The following BANK1 variants were observed in gnomAD, a reference collection of about 807,000 sequenced individuals.
BANK1 encodes B cell scaffold protein with ankyrin repeats 1.
In BANK1, 95 loss-of-function variants were observed where a neutral mutation model predicts 94.5. That is an observed-to-expected ratio of 1.00 (90% CI 0.85 to 1.19). The LOEUF (loss-of-function observed/expected upper bound fraction) is 1.19, where lower values mean the gene tolerates loss of function less well. Ranked by LOEUF, BANK1 falls within the 50% of genes most tolerant of loss-of-function variation. The pLI is 0.00. For missense variants in BANK1, 987 were observed against 932.2 expected, an observed-to-expected ratio of 1.06 and a Z score of -0.77; for synonymous variants, 334 against 308.4, an observed-to-expected ratio of 1.08 and a Z score of -0.87.
intron 7 of BANK1, among the ~76,000 whole-genome samples, chr4:101,957,844 C>CTTTTT (rs776142689): frequency 3.4e-5 from 3 of 87,626 alleles, no homozygotes; most frequent in African/African-American, 3.5e-5. Context: ...TTGTTTTTTG[C>CTTTTT]TTTTTTTTTT....
At chr4:101,921,755 T>A (rs1723005202) in intron 7 of BANK1, among the ~76,000 whole-genome samples, 1 of 151,894 alleles carries the variant, frequency 6.6e-6, no homozygotes, top group Non-Finnish European at 1.5e-5. Flanking sequence ...CTGTGTTCAC[T>A]TGTAGTTTGG....
chr4:102,013,326 AC>A (rs1726572463), intron 7 of BANK1, among the ~76,000 whole-genome samples: 1 of 152,064 alleles, frequency 6.6e-6, no homozygotes, highest in South Asian at 2.1e-4. Context: ...CTGAGTCAGC[AC>A]TGGTCCTCTC....
At chr4:102,027,148 ATTTT>A (rs574674031) in intron 9 of BANK1, among the ~76,000 whole-genome samples, 2 of 152,168 alleles carry the variant, frequency 1.3e-5, no homozygotes, top group African/African-American at 4.8e-5. Flanking sequence ...TATTTTTCTC[ATTTT>A]TTCAGATCTG....
intron 2 of BANK1, among the ~76,000 whole-genome samples, chr4:101,845,299 T>C (rs948284702): frequency 6.6e-6 from 1 of 152,176 alleles, no homozygotes; most frequent in Non-Finnish European, 1.5e-5. Flanking sequence ...TATGTACATA[T>C]AGCAGTCAGA....
intron 11 of BANK1, among the ~76,000 whole-genome samples, chr4:102,057,154 T>C (rs1728252445): frequency 6.6e-6 from 1 of 152,156 alleles, no homozygotes; most frequent in African/African-American, 2.4e-5. Context: ...TGAGCTTATA[T>C]ACCTACCAAG....
intron 9 of BANK1, among the ~76,000 whole-genome samples, chr4:102,028,737 T>C (rs1041249917): frequency 6.6e-6 from 1 of 152,168 alleles, no homozygotes; most frequent in Non-Finnish European, 1.5e-5. Context: ...TATTTTAACA[T>C]ATTCTTATAA....
At chr4:102,049,571 C>T (rs955779229) in intron 11 of BANK1, among the ~76,000 whole-genome samples, 5 of 152,162 alleles carry the variant, frequency 3.3e-5, no homozygotes, top group African/African-American at 1.2e-4. Context: ...TGCTCTCACT[C>T]TTAGAGGGCA....
At position 102,025,481 on chromosome 4, in the gene BANK1, A is replaced by G. The variant is rs1414767011; in HGVS notation, c.1566A>G (p.Gln522=). Residue 522 remains glutamine (Q), a synonymous_variant, in exon 9 of 17, where the codon CAA becomes CAG. Coordinates refer to ENST00000322953, the MANE Select transcript of BANK1 (RefSeq NM_017935.5). ...CGCGACCTGTAGCTAATGCCTTCCA[A>G]CTGGAAAGACCTCACTTCACCTTAC... ...PPPRPVANAF[Q]LERPHFTLPG... 1 of 1,613,778 alleles carries G rather than the reference A, an allele frequency of 6.2e-7. No homozygotes were observed. Among genetic ancestry groups the G allele is most frequent in the African/African-American group, 1.3e-5 (1 of 74,774 alleles).
intron 7 of BANK1, among the ~76,000 whole-genome samples, chr4:102,015,611 G>C (rs1314979669): frequency 1.3e-5 from 2 of 152,140 alleles, no homozygotes; most frequent in Admixed American, 6.5e-5. Flanking sequence ...TTGGAGGAGT[G>C]TCCTGGAAAA....
At chr4:101,815,085 GA>G (rs1253176971) in intron 1 of BANK1, among the ~76,000 whole-genome samples, 4 of 152,142 alleles carry the variant, frequency 2.6e-5, no homozygotes, top group Non-Finnish European at 5.9e-5. Flanking sequence ...TGTTACTGAT[GA>G]AGTTGATAAT....
intron 7 of BANK1, among the ~76,000 whole-genome samples, chr4:101,983,728 G>A (rs1725394312): frequency 6.6e-6 from 1 of 152,036 alleles, no homozygotes; most frequent in Non-Finnish European, 1.5e-5. Flanking sequence ...GAGAAAAGAT[G>A]TTCCAGATAT....
At chr4:102,052,113 C>CTTTT (rs199811166) in intron 11 of BANK1, among the ~76,000 whole-genome samples, 8 of 103,984 alleles carry the variant, frequency 7.7e-5, no homozygotes, top group African/African-American at 1.2e-4. Flanking sequence ...TTCTTTTTTT[C>CTTTT]TTTTTTTTTT....
chr4:101,825,500 C>T (rs973957632), intron 1 of BANK1, among the ~76,000 whole-genome samples: 1 of 152,016 alleles, frequency 6.6e-6, no homozygotes, highest in African/African-American at 2.4e-5. Flanking sequence ...AACTTAGCTT[C>T]ATATGAAAAG....
intron 13 of BANK1, among the ~76,000 whole-genome samples, chr4:102,070,557 A>G (rs1160059371): frequency 6.6e-6 from 1 of 152,170 alleles, no homozygotes; most frequent in African/African-American, 2.4e-5. Context: ...GGCACCTGTG[A>G]TCAATTATCA....
rs188798157 is a variant in BANK1, at chr4:101,924,545, G to A, written c.1206+6356G>A. 1.6e-4 allele frequency among the ~76,000 whole-genome samples: 24 copies of A among 151,878 alleles called. 1 individual carries two copies. Among genetic ancestry groups the A allele is most frequent in the Admixed American group, 1.6e-3 (24 of 15,222 alleles). ...AGGAAACAGAAGCAGAAAGGGTCAG[G>A]ATGATGTACAGCTAGCCTCCACAGC... On this transcript the variant is annotated intron_variant, in intron 7 of 16. Coordinates refer to ENST00000322953, the MANE Select transcript of BANK1 (RefSeq NM_017935.5).
At chr4:101,831,978 T>C (rs114036914) in intron 2 of BANK1, among the ~76,000 whole-genome samples, 1 of 152,242 alleles carries the variant, frequency 6.6e-6, no homozygotes, top group African/African-American at 2.4e-5. Flanking sequence ...AGGGCTTACA[T>C]TGTTGACAGT....
At position 101,806,192 on chromosome 4, in the gene BANK1, A is replaced by T. The variant is rs1725547289; in HGVS notation, c.70+15242A>T. Among the ~76,000 whole-genome samples, 2 of 152,030 alleles carry T rather than the reference A, an allele frequency of 1.3e-5. 1 individual carries two copies. The highest frequency in any genetic ancestry group is 4.1e-4 in the South Asian group (2 of 4,828). ...TGTACTTCTAGGTTTTTTATACATTACTTTTATTAGTTTTACTTGTTCAGT... is the reference window on the plus strand; with the variant it reads ...TGTACTTCTAGGTTTTTTATACATTTCTTTTATTAGTTTTACTTGTTCAGT... On this transcript the variant is annotated intron_variant, in intron 1 of 16. Coordinates refer to ENST00000322953, the MANE Select transcript of BANK1 (RefSeq NM_017935.5).
At chr4:102,069,953 A>C (rs1728707470) in intron 13 of BANK1, among the ~76,000 whole-genome samples, 1 of 152,032 alleles carries the variant, frequency 6.6e-6, no homozygotes, top group South Asian at 2.1e-4. Flanking sequence ...GATAAAACTA[A>C]TCTAGACAAA....
intron 1 of BANK1, among the ~76,000 whole-genome samples, chr4:101,798,841 T>A (rs1429903248): frequency 3.9e-5 from 6 of 152,192 alleles, no homozygotes; most frequent in Admixed American, 2.0e-4. Flanking sequence ...GTGTAAGTTC[T>A]TTGTAGATTC....
Sources: allele counts gnomAD v4.1 joint callset (sites outside exome capture counted in the v4.1 genomes callset), GRCh38; gene constraint gnomAD v4.1.1; transcripts MANE v1.5; gene names NCBI Gene and HGNC (gene_info 2026-07-23, HGNC 2026-07-21).